Variants in HEATR4 observed in about 807,000 individuals in gnomAD.
The protein encoded by HEATR4 is HEAT repeat-containing protein 4.
A neutral mutation model predicts 108.8 loss-of-function variants in HEATR4; 95 were observed. That is an observed-to-expected ratio of 0.87 (90% CI 0.74 to 1.04). HEATR4 has a LOEUF of 1.04. Among genes scored for constraint, HEATR4 ranks in the 50% least tolerant of loss-of-function variants. The pLI is 0.00. For synonymous variants in HEATR4, 443 were observed against 459.4 expected (o/e 0.96, Z 0.46); for missense variants, 1,152 against 1,253.8 (o/e 0.92, Z 1.23).
chr14:73,544,614 C>T (rs114134318), intron 1 of HEATR4, among the ~76,000 whole-genome samples: 2,285 of 115,130 alleles, frequency 0.02, 578 homozygotes, highest in African/African-American at 0.062. Flanking sequence ...ATTACATAAG[C>T]GATTTTAACA....
chr14:73,617,848 TA>T, the HEATR4 span, among the ~76,000 whole-genome samples: 2 of 152,082 alleles, frequency 1.3e-5, no homozygotes, highest in African/African-American at 4.8e-5. Context: ...AATAATTAAT[TA>T]ATTAAAACAT....
the HEATR4 span, among the ~76,000 whole-genome samples, chr14:73,590,326 A>C: frequency 6.6e-6 from 1 of 152,200 alleles, no homozygotes; most frequent in Non-Finnish European, 1.5e-5. Flanking sequence ...TGAGCTAGAC[A>C]CAGGGTGCTG....
chr14:73,595,386 T>C, the HEATR4 span: 2 of 1,614,224 alleles, frequency 1.2e-6, no homozygotes, highest in Non-Finnish European at 1.7e-6. Context: ...AGAAGTGAGT[T>C]GTATGCCCAA....
the HEATR4 span, among the ~76,000 whole-genome samples, chr14:73,579,062 G>A: frequency 6.8e-6 from 1 of 146,212 alleles, no homozygotes; most frequent in Admixed American, 7.0e-5. Context: ...TCTAGCCTAG[G>A]CGACAGCCAG....
At chr14:73,626,024 G>C in the HEATR4 span, among the ~76,000 whole-genome samples, 1 of 152,234 alleles carries the variant, frequency 6.6e-6, no homozygotes, top group African/African-American at 2.4e-5. Flanking sequence ...CAAGTTGTGA[G>C]TGCAAAGGAA....
upstream of HEATR4, among the ~76,000 whole-genome samples, chr14:73,559,634 C>G (rs959934111): frequency 2.0e-5 from 3 of 151,832 alleles, no homozygotes; most frequent in Non-Finnish European, 4.4e-5. Flanking sequence ...CCCAGCTACT[C>G]GGGAGGCTGA....
chr14:73,586,136 G>T, the HEATR4 span, among the ~76,000 whole-genome samples: 1 of 151,942 alleles, frequency 6.6e-6, no homozygotes. Flanking sequence ...GCTCAGGCCT[G>T]TAATCCCAGC....
At chr14:73,508,830 GA>G (rs1420313534) in intron 8 of HEATR4, among the ~76,000 whole-genome samples, 1 of 149,650 alleles carries the variant, frequency 6.7e-6, no homozygotes, top group Non-Finnish European at 1.5e-5. Context: ...AAAGTACCTA[GA>G]AAGAGCAAAT....
At chr14:73,633,311 T>A in the HEATR4 span, among the ~76,000 whole-genome samples, 3 of 152,098 alleles carry the variant, frequency 2.0e-5, no homozygotes, top group Non-Finnish European at 4.4e-5. Context: ...TGTCCTGTAG[T>A]TCCACTTTCT....
At position 73,512,566 on chromosome 14, in the gene HEATR4, ATAC is replaced by A. The variant is rs557586953; in HGVS notation, c.1415-420_1415-418del. On this transcript the variant is annotated intron_variant, in intron 6 of 17. Coordinates refer to ENST00000553558, the MANE Select transcript of HEATR4 (RefSeq NM_001220484.1). The stretch of plus-strand genomic sequence containing the variant: ...ATTTCTTATTTGTAATACAGGCATA[ATAC>A]TAGAACCCACATATTGAGTTATTCT... Among the ~76,000 whole-genome samples, 20 of 152,340 alleles carry A rather than the reference ATAC, an allele frequency of 1.3e-4. No homozygotes were observed. The South Asian group carries it at 3.9e-3, about 30-fold the overall frequency.
chr14:73,583,826 C>A, the HEATR4 span, among the ~76,000 whole-genome samples: 87 of 151,430 alleles, frequency 5.7e-4, no homozygotes, highest in Middle Eastern at 3.4e-3. Context: ...ATGGTGAAAC[C>A]CCGTCTCTAC....
chr14:73,611,305 A>C, the HEATR4 span, among the ~76,000 whole-genome samples: 1 of 152,224 alleles, frequency 6.6e-6, no homozygotes, highest in Non-Finnish European at 1.5e-5. Flanking sequence ...CTGAAAAACA[A>C]GAGGAGAGTC....
the HEATR4 span, among the ~76,000 whole-genome samples, chr14:73,624,421 GC>G: frequency 6.6e-6 from 1 of 151,930 alleles, no homozygotes; most frequent in Non-Finnish European, 1.5e-5. Flanking sequence ...GAGCCAACGC[GC>G]CCCGCCCAAA....
At position 73,520,992 on chromosome 14, in the gene HEATR4, C is replaced by T; in HGVS notation, c.929G>A (p.Gly310Asp). The T allele has an allele frequency of 3.1e-6, 5 of 1,613,640 alleles. No individual in the cohort carries two copies. Among genetic ancestry groups the T allele is most frequent in the Non-Finnish European group, 4.2e-6 (5 of 1,179,976 alleles). ...QQAETVEIMP[G>D]NKSTEDIHEK... ...ATGGATATCCTCAGTGCTCTTGTTG[C>T]CAGGCATGATCTCAACTGTCTCTGC... Residue 310 changes from glycine (G) to aspartate (D), a missense_variant, in exon 4 of 18, where the codon GGC becomes GAC. Transcript: ENST00000553558.
At chr14:73,502,820 C>T (rs756133895) in intron 11 of HEATR4, 75 bp downstream of exon 11, 3 of 1,112,746 alleles carry the variant, frequency 2.7e-6, no homozygotes, top group Non-Finnish European at 4.1e-6. Context: ...GTGTTGGGAG[C>T]CACCTTGCCC....
At position 73,496,631 on chromosome 14, in the gene HEATR4, G is replaced by A; in HGVS notation, c.2595C>T (p.Asn865=). 1 of 1,603,944 alleles carries A rather than the reference G, an allele frequency of 6.2e-7. No homozygotes were observed. Among genetic ancestry groups the A allele is most frequent in the East Asian group, 2.2e-5 (1 of 44,806 alleles). Residue 865 remains asparagine, a synonymous_variant, in exon 15 of 18, where the codon AAC becomes AAT. Coordinates refer to ENST00000553558, the MANE Select transcript of HEATR4 (RefSeq NM_001220484.1). Reference sequence around the variant, plus strand: ...TCTTGATCTCCTGAAGCATTTCTTGGTTTCCTTCATTTCCTAAGTTGAGTA... The same window carrying A: ...TCTTGATCTCCTGAAGCATTTCTTGATTTCCTTCATTTCCTAAGTTGAGTA... The part of the protein sequence containing the change: ...MKILNLGNEG[N]QEMLQEIKNR...
At chr14:73,517,691 AAGAG>A (rs1038569512) in intron 5 of HEATR4, among the ~76,000 whole-genome samples, 1 of 150,540 alleles carries the variant, frequency 6.6e-6, no homozygotes, top group Non-Finnish European at 1.5e-5. Context: ...AGAAGAAGAA[AAGAG>A]AGAGAGGGAA....
rs1354091299 is a variant in HEATR4, at chr14:73,551,701, A to G, written c.-152+7050T>C. Among the ~76,000 whole-genome samples, 29 of 110,066 alleles carry G rather than the reference A, an allele frequency of 2.6e-4. 10 individuals carry two copies. Among genetic ancestry groups the G allele is most frequent in the Middle Eastern group, 8.6e-3 (2 of 232 alleles). 72.2% of individuals were successfully genotyped at this position (110,066 alleles called of 152,430 possible). A position where few individuals can be genotyped will look rare whatever the true frequency, so the allele number is the denominator to read the frequency against. ...TGCGCACCTGTAGTCCCAGCTACTC[A>G]GGAGGCTGAGGCAGGAGAATCGCTT... On this transcript the variant is annotated intron_variant, in intron 1 of 17. Transcript: ENST00000553558.
the HEATR4 span, among the ~76,000 whole-genome samples, chr14:73,589,198 G>A: frequency 6.6e-6 from 1 of 152,138 alleles, no homozygotes; most frequent in East Asian, 1.9e-4. Flanking sequence ...ATACAGAACA[G>A]CTTCACTGCC....
Sources: gnomAD v4.1 joint callset for allele counts (sites outside exome capture counted in the v4.1 genomes callset) on GRCh38, gnomAD v4.1.1 for gene constraint, MANE v1.5 for transcripts, NCBI Gene and HGNC (gene_info 2026-07-23, HGNC 2026-07-21) for gene names.